The following GLCCI1 variants were observed in gnomAD, a reference collection of about 807,000 sequenced individuals.
GLCCI1 encodes the protein glucocorticoid-induced transcript 1 protein.
Under a neutral mutation model 52.2 loss-of-function variants are expected in GLCCI1, and 24 were observed. The observed-to-expected ratio is 0.46, with a 90% CI of 0.33 to 0.65. The LOEUF is 0.65. Among genes scored for constraint, GLCCI1 ranks in the 30% least tolerant of loss-of-function variants. The pLI, the probability that GLCCI1 is intolerant of heterozygous loss-of-function variation, is 0.02. For missense variants in GLCCI1, 704 were observed against 701.5 expected, an observed-to-expected ratio of 1.00 and a Z score of -0.04; for synonymous variants, 310 against 276.5, an observed-to-expected ratio of 1.12 and a Z score of -1.20.
chr7:8,060,035 CT>C (rs990824337), intron 4 of GLCCI1, 60 bp from the exon 5 acceptor site: 445 of 1,376,918 alleles, frequency 3.2e-4, no homozygotes, highest in Non-Finnish European at 1.4e-5. Flanking sequence ...TTACCATACT[CT>C]TTAGTTCTTG....
chr7:7,992,053 T>G (rs1418402021), intron 1 of GLCCI1, among the ~76,000 whole-genome samples: 1 of 128,648 alleles, frequency 7.8e-6, no homozygotes. Context: ...TTTTCTTTCT[T>G]TCTTTCTTTC....
chr7:7,993,587 G>T (rs1332981546), intron 1 of GLCCI1, among the ~76,000 whole-genome samples: 1 of 152,126 alleles, frequency 6.6e-6, no homozygotes, highest in African/African-American at 2.4e-5. Flanking sequence ...TTACCCATTA[G>T]TGAATTGTGT....
chr7:7,990,934 G>T (rs1780828304), intron 1 of GLCCI1, among the ~76,000 whole-genome samples: 1 of 152,008 alleles, frequency 6.6e-6, no homozygotes, highest in Non-Finnish European at 1.5e-5. Context: ...GCTGGATTTG[G>T]GGACACATTG....
intron 3 of GLCCI1, among the ~76,000 whole-genome samples, chr7:8,023,585 A>ATTTTTTTTTTT (rs1268659559): frequency 2.5e-4 from 10 of 39,776 alleles, no homozygotes; most frequent in South Asian, 6.8e-4. Context: ...AATCTCTGTT[A>ATTTTTTTTTTT]TTCTTTTTTT....
At chr7:8,052,146 A>C (rs532624066) in intron 3 of GLCCI1, among the ~76,000 whole-genome samples, 3 of 152,224 alleles carry the variant, frequency 2.0e-5, no homozygotes, top group Admixed American at 2.0e-4. Flanking sequence ...TCAGTGAAGG[A>C]AAAGGCTTCT....
rs1253705705 is a variant in GLCCI1, at chr7:8,087,720, A to G, written c.*1182A>G. ...ATAGAATACTTGGGTCTCAGAATTG[A>G]TGCAACATAAGCAGGTTTTTTTGGT... On this transcript the variant is annotated 3_prime_UTR_variant, in exon 8 of 8. Coordinates refer to ENST00000223145, the MANE Select transcript of GLCCI1 (RefSeq NM_138426.4). 5 of 147,044 alleles carry G rather than the reference A, an allele frequency of 3.4e-5. No individual in the cohort carries two copies. In the Admixed American group the frequency reaches 3.5e-4, roughly 10 times the overall value. The allele number at this position is 147,044 out of a possible 1,614,324, so 9.1% of individuals were successfully genotyped here.
At chr7:8,084,827 C>A in intron 6 of GLCCI1, 70 bp from the exon 7 acceptor site, 1 of 1,532,678 alleles carries the variant, frequency 6.5e-7, no homozygotes. Context: ...GTGCAAAAGG[C>A]TGTTTGTTTG....
chr7:8,060,336 G>A (rs183376821), intron 5 of GLCCI1, 88 bp downstream of exon 5: 47 of 1,041,206 alleles, frequency 4.5e-5, no homozygotes, highest in Non-Finnish European at 6.0e-5. Flanking sequence ...GCTTTGTTAA[G>A]ATATAATTCA....
intron 3 of GLCCI1, among the ~76,000 whole-genome samples, chr7:8,049,623 A>C (rs1782212961): frequency 6.6e-6 from 1 of 152,174 alleles, no homozygotes; most frequent in South Asian, 2.1e-4. Flanking sequence ...ATATACAGTC[A>C]TTTAATCGCT....
intron 1 of GLCCI1, among the ~76,000 whole-genome samples, chr7:7,988,636 G>A (rs1475919864): frequency 1.3e-5 from 2 of 152,082 alleles, no homozygotes; most frequent in Non-Finnish European, 2.9e-5. Context: ...TGGAGAGTAA[G>A]GTAGGTGATT....
intron 5 of GLCCI1, among the ~76,000 whole-genome samples, chr7:8,069,666 A>T (rs1230890576): frequency 1.3e-5 from 2 of 151,918 alleles, no homozygotes; most frequent in Non-Finnish European, 2.9e-5. Flanking sequence ...TTTCTTCTCT[A>T]CTCCAAGGGC....
rs1562425169 is a variant in GLCCI1 at position 8,007,074 on chromosome 7, C to T, written c.609+3015C>T. ...TCTTTGCTCCCAAGGTCTCTTATCC[C>T]ATGGGGAGGGGCATGGCTGCTAGAA... On this transcript the variant is annotated intron_variant, in intron 2 of 7. Coordinates refer to ENST00000223145, the MANE Select transcript of GLCCI1 (RefSeq NM_138426.4). 2.0e-5 allele frequency among the ~76,000 whole-genome samples: 3 copies of T among 152,158 alleles called. No homozygotes were observed. In the South Asian group the frequency reaches 6.2e-4, roughly 31 times the overall value.
At chr7:8,037,988 CAGAA>C (rs1781905664) in intron 3 of GLCCI1, among the ~76,000 whole-genome samples, 1 of 152,126 alleles carries the variant, frequency 6.6e-6, no homozygotes, top group African/African-American at 2.4e-5. Context: ...GTCATCAAGA[CAGAA>C]AGTCAGCAAA....
chr7:7,994,040 A>C (rs1297333543), intron 1 of GLCCI1, among the ~76,000 whole-genome samples: 1 of 152,174 alleles, frequency 6.6e-6, no homozygotes, highest in Non-Finnish European at 1.5e-5. Flanking sequence ...TCGTATTGCT[A>C]TAACAGTGTC....
intron 4 of GLCCI1, among the ~76,000 whole-genome samples, chr7:8,056,533 T>TA (rs1276480898): frequency 2.0e-5 from 3 of 152,208 alleles, no homozygotes; most frequent in Non-Finnish European, 4.4e-5. Context: ...TAGAAGTAAA[T>TA]ACTAACATAT....
chr7:8,037,213 G>A (rs1781886143), intron 3 of GLCCI1, among the ~76,000 whole-genome samples: 1 of 152,168 alleles, frequency 6.6e-6, no homozygotes, highest in South Asian at 2.1e-4. Context: ...AACTCTATAA[G>A]CCAGAAGAGG....
At position 8,086,265 on chromosome 7, in the gene GLCCI1, A is replaced by C; in HGVS notation, c.1371A>C (p.Gly457=). The stretch of plus-strand genomic sequence containing the variant: ...ACAAGGTTAATTTCATCCCAACCGG[A>C]TCAGCTTTCTGTCCTGTAAAACTTC... The part of the protein sequence containing the change: ...DKNKVNFIPT[G]SAFCPVKLLG... The change falls in exon 8 of 8, where the codon GGA becomes GGC. Residue 457 remains glycine (G), a synonymous_variant. Transcript: ENST00000223145. The surrounding 1 kb of genome is among the most constrained non-coding windows in gnomAD (Gnocchi z 4.4). 1 of 1,614,156 alleles carries C rather than the reference A, an allele frequency of 6.2e-7. No individual in the cohort carries two copies. The highest frequency in any genetic ancestry group is 8.5e-7 in the Non-Finnish European group (1 of 1,180,014).
rs147015597 is a variant in GLCCI1 at position 8,005,212 on chromosome 7, G to C, written c.609+1153G>C. ...CAGAACCATCCTTCTAGAGGAGTTA[G>C]ATTCACAAATATGATAAAATGTAGG... On this transcript the variant is annotated intron_variant, in intron 2 of 7. Coordinates refer to ENST00000223145, the MANE Select transcript of GLCCI1 (RefSeq NM_138426.4). 8.6e-5 allele frequency among the ~76,000 whole-genome samples: 13 copies of C among 152,044 alleles called. No individual in the cohort carries two copies. The East Asian group carries it at 1.9e-3, about 23-fold the overall frequency.
Position 7,969,812 on chromosome 7 carries a change from C to T in GLCCI1, c.457+5C>T. ...CCGGCTCGCCCGTGTGCAGAGGTAGCGAGCCCAACCCTCCCGTCCTCCCGG... is the reference window on the plus strand; with the variant it reads ...CCGGCTCGCCCGTGTGCAGAGGTAGTGAGCCCAACCCTCCCGTCCTCCCGG... On this transcript the variant is annotated splice_donor_5th_base_variant and intron_variant, in intron 1 of 7. Transcript: ENST00000223145. This position sits in a 1 kb window ranked among gnomAD's most constrained non-coding sequence, Gnocchi z 4.9. 4 of 1,453,744 alleles carry T rather than the reference C, an allele frequency of 2.8e-6. No individual in the cohort carries two copies. Among genetic ancestry groups the T allele is most frequent in the African/African-American group, 1.5e-5 (1 of 67,844 alleles). 90.1% of individuals were successfully genotyped at this position (1,453,744 alleles called of 1,614,324 possible). A position where few individuals can be genotyped will look rare whatever the true frequency, so the allele number is the denominator to read the frequency against.
Sources: allele counts gnomAD v4.1 joint callset (sites outside exome capture counted in the v4.1 genomes callset), GRCh38; gene constraint gnomAD v4.1.1; non-coding constraint Gnocchi (gnomAD v3.1); transcripts MANE v1.5; gene names NCBI Gene and HGNC (gene_info 2026-07-23, HGNC 2026-07-21).